Variants in TNIK observed in about 807,000 individuals in gnomAD.
TNIK encodes TRAF2 and NCK-interacting protein kinase.
Under a neutral mutation model 191.3 loss-of-function variants are expected in TNIK, and 49 were observed. The ratio of observed to expected loss-of-function variants is 0.26; its 90% CI spans 0.20 to 0.32. The LOEUF is 0.32. Among genes scored for constraint, TNIK ranks in the 10% least tolerant of loss-of-function variants. The probability of loss-of-function intolerance (pLI) is 1.00; values close to 1 mark genes in which losing one functional copy is unlikely to be tolerated. For synonymous variants in TNIK, 594 were observed against 600.9 expected (o/e 0.99, Z 0.17); for missense variants, 1,155 against 1,702.3 (o/e 0.68, Z 5.66).
At chr3:171,419,006 C>T (rs1321410638) in intron 1 of TNIK, among the ~76,000 whole-genome samples, 1 of 152,110 alleles carries the variant, frequency 6.6e-6, no homozygotes, top group African/African-American at 2.4e-5. Context: ...CCCCATATGG[C>T]AGAGAGAGAG....
chr3:171,101,724 G>GA lies in TNIK; in HGVS notation c.2407-92dup, dbSNP rs1005707314. On this transcript the variant is annotated intron_variant, in intron 21 of 32. Transcript: ENST00000436636. ...GTCAGTGCTCCAGCTTAAGCAACAA[G>GA]AAAAAAAAAAGCTCTATATAGAACT... 5.0e-3 allele frequency: 5,806 copies of GA among 1,168,662 alleles called. 1 individual carries two copies. Among genetic ancestry groups the GA allele is most frequent in the Non-Finnish European group, 5.4e-3 (4,668 of 865,642 alleles). 72.4% of individuals were successfully genotyped at this position (1,168,662 alleles called of 1,614,324 possible).
At position 171,346,422 on chromosome 3, in the gene TNIK, G is replaced by T. The variant is rs557147735; in HGVS notation, c.123+23198C>A. Among the ~76,000 whole-genome samples, 6 of 152,134 alleles carry T rather than the reference G, an allele frequency of 3.9e-5. No individual in the cohort carries two copies. The South Asian group carries it at 1.0e-3, about 26-fold the overall frequency. On this transcript the variant is annotated intron_variant, in intron 2 of 32. Transcript: ENST00000436636. The stretch of plus-strand genomic sequence containing the variant: ...CCTTATTTATTCATATACACCTTGC[G>T]CATGTCATCCTTGCACTGCACTCTA...
chr3:171,172,335 A>C (rs1735398643), intron 9 of TNIK, among the ~76,000 whole-genome samples: 1 of 152,200 alleles, frequency 6.6e-6, no homozygotes. Context: ...TCATTTAGGT[A>C]GAGAATAGCT....
rs1725741653 is a variant in TNIK at position 171,110,822 on chromosome 3, T to C, written c.2176A>G (p.Ser726Gly). The change falls in exon 19 of 33, where the codon AGC becomes GGC. Residue 726 changes from serine to glycine, a missense_variant. Ser to Gly is a moderately conservative substitution (Grantham distance 56). Coordinates refer to ENST00000436636, the MANE Select transcript of TNIK (RefSeq NM_015028.4). The stretch of plus-strand genomic sequence containing the variant: ...CTGGAGCTGGAGGAACTGCCACTGC[T>C]GGTCCTCTGCAAGGGGCTCTCCAAG... ...PILESPLQRT[S>G]SGSSSSSSTP... 6.2e-7 allele frequency: 1 copy of C among 1,604,952 alleles called. No homozygotes were observed. The highest frequency in any genetic ancestry group is 1.3e-5 in the African/African-American group (1 of 74,794).
intron 17 of TNIK, among the ~76,000 whole-genome samples, 173 bp downstream of exon 17, chr3:171,125,739 G>T (rs1728372329): frequency 6.6e-6 from 1 of 152,078 alleles, no homozygotes; most frequent in Admixed American, 6.6e-5. Flanking sequence ...GTCAGACATG[G>T]TAAATGGCAA....
intron 2 of TNIK, among the ~76,000 whole-genome samples, chr3:171,341,369 G>A (rs1240690885): frequency 6.6e-6 from 1 of 151,336 alleles, no homozygotes; most frequent in African/African-American, 2.4e-5. Flanking sequence ...CTATTTGGGA[G>A]GCTGAGGCAG....
rs144262039 is a variant in TNIK at position 171,229,255 on chromosome 3, C to T, written c.124-1034G>A. Among the ~76,000 whole-genome samples, 996 of 152,326 alleles carry T rather than the reference C, an allele frequency of 6.5e-3. 11 individuals carry two copies. Among genetic ancestry groups the T allele is most frequent in the African/African-American group, 0.022 (935 of 41,570 alleles). On this transcript the variant is annotated intron_variant, in intron 2 of 32. Transcript: ENST00000436636. ...ATGCTGGCCGTAATTATGTATGGTCCTGTCTTCTGGTGAATTTTAAATGTT... is the reference window on the plus strand; with the variant it reads ...ATGCTGGCCGTAATTATGTATGGTCTTGTCTTCTGGTGAATTTTAAATGTT...
intron 2 of TNIK, among the ~76,000 whole-genome samples, chr3:171,305,724 G>A (rs1577414714): frequency 6.6e-6 from 1 of 152,170 alleles, no homozygotes; most frequent in African/African-American, 2.4e-5. Flanking sequence ...ACAGATGCTG[G>A]TGAGGTTGCA....
intron 27 of TNIK, among the ~76,000 whole-genome samples, chr3:171,081,488 G>T (rs919057085): frequency 6.7e-6 from 1 of 149,332 alleles, no homozygotes; most frequent in African/African-American, 2.5e-5. Context: ...TCTGGTCTGG[G>T]GGTGCAGCCT....
intron 2 of TNIK, among the ~76,000 whole-genome samples, chr3:171,229,905 A>T (rs530366969): frequency 1.9e-4 from 29 of 152,080 alleles, no homozygotes; most frequent in Non-Finnish European, 3.4e-4. Context: ...TTACCTTGTA[A>T]AGAGCCCTGG....
rs1345714456 is a variant in TNIK at position 171,232,172 on chromosome 3, C to A, written c.124-3951G>T. On this transcript the variant is annotated intron_variant, in intron 2 of 32. Transcript: ENST00000436636. Reference sequence around the variant, plus strand: ...AAATTTAAAATACAAATATAGACACCATCTAAATTTAGATCTAAAATACAT... The same window carrying A: ...AAATTTAAAATACAAATATAGACACAATCTAAATTTAGATCTAAAATACAT... 2.0e-5 allele frequency among the ~76,000 whole-genome samples: 3 copies of A among 151,234 alleles called. No individual in the cohort carries two copies. In the East Asian group the frequency reaches 5.8e-4, roughly 29 times the overall value.
intron 6 of TNIK, 34 bp downstream of exon 6, chr3:171,190,663 T>C (rs1737945176): frequency 2.7e-6 from 4 of 1,509,376 alleles, no homozygotes; most frequent in Non-Finnish European, 2.7e-6. Context: ...CATCACTTCC[T>C]GCAATTCCAA....
At chr3:171,434,520 C>T (rs1452159600) in intron 1 of TNIK, among the ~76,000 whole-genome samples, 1 of 151,860 alleles carries the variant, frequency 6.6e-6, no homozygotes, top group Non-Finnish European at 1.5e-5. Context: ...TACAGTGGTA[C>T]CAGCATAGCT....
chr3:171,397,292 T>C (rs144228200), intron 1 of TNIK, among the ~76,000 whole-genome samples: 3 of 152,212 alleles, frequency 2.0e-5, no homozygotes, highest in African/African-American at 4.8e-5. Flanking sequence ...CACAGACAGA[T>C]TGATGGACAG....
At chr3:171,262,456 A>T (rs1261669195) in intron 2 of TNIK, among the ~76,000 whole-genome samples, 1 of 152,180 alleles carries the variant, frequency 6.6e-6, no homozygotes, top group African/African-American at 2.4e-5. Flanking sequence ...AATTCTACAC[A>T]GCTCCTTAAA....
chr3:171,398,867 T>G (rs1242921918), intron 1 of TNIK, among the ~76,000 whole-genome samples: 1 of 152,190 alleles, frequency 6.6e-6, no homozygotes. Flanking sequence ...AAATAATTCT[T>G]ATTTTTCAAG....
chr3:171,416,362 T>C (rs1432058688), intron 1 of TNIK, among the ~76,000 whole-genome samples: 1 of 151,950 alleles, frequency 6.6e-6, no homozygotes, highest in Non-Finnish European at 1.5e-5. Flanking sequence ...ATCCGGAATG[T>C]AGGGCATTCT....
chr3:171,238,946 A>G (rs1254584477), intron 2 of TNIK, among the ~76,000 whole-genome samples: 3 of 152,218 alleles, frequency 2.0e-5, no homozygotes, highest in African/African-American at 7.2e-5. Flanking sequence ...CCACTTTTCA[A>G]CTGGCTTTTG....
At chr3:171,087,567 T>C in intron 23 of TNIK, 61 bp from the exon 24 acceptor site, 1 of 1,584,356 alleles carries the variant, frequency 6.3e-7, no homozygotes. Flanking sequence ...CAGAGTGACA[T>C]CAGCCCTCAC....
Sources: gnomAD v4.1 joint callset for allele counts (sites outside exome capture counted in the v4.1 genomes callset) on GRCh38, gnomAD v4.1.1 for gene constraint, MANE v1.5 for transcripts, NCBI Gene and HGNC (gene_info 2026-07-23, HGNC 2026-07-21) for gene names.